The following CDH4 variants were observed in gnomAD, a reference collection of about 807,000 sequenced individuals.
The protein encoded by CDH4 is cadherin 4, also known as cadherin-4.
In CDH4, 33 loss-of-function variants were observed where a neutral mutation model predicts 86.0. The observed-to-expected ratio is 0.38, with a 90% CI of 0.29 to 0.51. The LOEUF is 0.51. CDH4 is among the 20% of genes least tolerant of loss of function. CDH4 has a pLI of 0.86. For missense variants in CDH4, 1,114 were observed against 1,307.4 expected (o/e 0.85, Z 2.28); for synonymous variants, 555 against 549.4 (o/e 1.01, Z -0.14).
chr20:61,931,543 C>T lies in CDH4; in HGVS notation c.2240-1442C>T, dbSNP rs185625550. ...CTCTCGCCTCCGGGCTCACCCTCTG[C>T]GGTACATAAGAGTGCACCTGTGATT... On this transcript the variant is annotated intron_variant, in intron 13 of 15. Transcript: ENST00000614565. Among the ~76,000 whole-genome samples the T allele has an allele frequency of 7.2e-4, 109 of 152,344 alleles. 1 individual carries two copies. Among genetic ancestry groups the T allele is most frequent in the Non-Finnish European group, 1.3e-3 (91 of 68,040 alleles).
chr20:61,848,339 C>T (rs1982553359), intron 5 of CDH4, among the ~76,000 whole-genome samples: 1 of 152,232 alleles, frequency 6.6e-6, no homozygotes, highest in Admixed American at 6.5e-5. Context: ...AGTGCGCAGA[C>T]ACTTTTGCAC....
At chr20:61,490,519 T>G (rs1479178643) in intron 2 of CDH4, among the ~76,000 whole-genome samples, 1 of 152,076 alleles carries the variant, frequency 6.6e-6, no homozygotes, top group African/African-American at 2.4e-5. Flanking sequence ...GCCAACGTGG[T>G]GAAACCCTGT....
At chr20:61,365,619 C>T (rs917929774) in intron 2 of CDH4, among the ~76,000 whole-genome samples, 6 of 151,968 alleles carry the variant, frequency 3.9e-5, no homozygotes, top group South Asian at 2.1e-4. Context: ...ATGCAGCTGG[C>T]GAGGGAAGCT....
At chr20:61,890,600 T>C (rs886596574) in intron 7 of CDH4, among the ~76,000 whole-genome samples, 6 of 151,358 alleles carry the variant, frequency 4.0e-5, no homozygotes, top group Non-Finnish European at 8.8e-5. Flanking sequence ...GGGTAAATGA[T>C]GGATGGATGG....
chr20:61,585,635 T>C (rs567189582), intron 2 of CDH4, among the ~76,000 whole-genome samples: 5 of 151,996 alleles, frequency 3.3e-5, no homozygotes, highest in Admixed American at 2.0e-4. Context: ...ATGACGGTGA[T>C]GGTGATGATG....
intron 2 of CDH4, among the ~76,000 whole-genome samples, chr20:61,558,868 C>T (rs1233639100): frequency 1.3e-5 from 2 of 152,242 alleles, no homozygotes; most frequent in African/African-American, 2.4e-5. Flanking sequence ...GTCCCCGTGG[C>T]GAGCACCGTG....
chr20:61,701,624 T>TCA (rs1023424156), intron 2 of CDH4, among the ~76,000 whole-genome samples: 1 of 152,070 alleles, frequency 6.6e-6, no homozygotes, highest in African/African-American at 2.4e-5. Flanking sequence ...GGTCTACGGA[T>TCA]CAGTTGGGGG....
At chr20:61,734,711 A>C (rs1481745388) in intron 2 of CDH4, among the ~76,000 whole-genome samples, 1 of 150,096 alleles carries the variant, frequency 6.7e-6, no homozygotes, top group Non-Finnish European at 1.5e-5. Context: ...CCAGCCTGGC[A>C]TGCTGCAGGC....
At chr20:61,673,135 G>A (rs1294156005) in intron 2 of CDH4, among the ~76,000 whole-genome samples, 1 of 152,174 alleles carries the variant, frequency 6.6e-6, no homozygotes, top group Admixed American at 6.5e-5. Context: ...TTTCTGGCCT[G>A]GAGCCCCCAG....
At chr20:61,911,227 C>G (rs776178273) in intron 9 of CDH4, among the ~76,000 whole-genome samples, 1 of 152,102 alleles carries the variant, frequency 6.6e-6, no homozygotes, top group Non-Finnish European at 1.5e-5. Flanking sequence ...GGAGAGAGAT[C>G]GGTTTGTAAC....
chr20:61,800,714 C>T (rs1173084662), intron 4 of CDH4, among the ~76,000 whole-genome samples: 3 of 152,236 alleles, frequency 2.0e-5, no homozygotes, highest in Admixed American at 6.5e-5. Context: ...AAGGCAGAGC[C>T]TCAGGCAGGC....
chr20:61,507,852 A>G (rs1397206777), intron 2 of CDH4, among the ~76,000 whole-genome samples: 1 of 152,256 alleles, frequency 6.6e-6, no homozygotes, highest in Non-Finnish European at 1.5e-5. Flanking sequence ...TAAACAGCAG[A>G]GGAAACAGGG....
At chr20:61,783,387 C>A (rs1172218539) in intron 4 of CDH4, among the ~76,000 whole-genome samples, 1 of 152,214 alleles carries the variant, frequency 6.6e-6, no homozygotes, top group African/African-American at 2.4e-5. Context: ...TTAAATACAG[C>A]TAAAGTGACA....
At chr20:61,759,082 G>A (rs954435240) in intron 3 of CDH4, among the ~76,000 whole-genome samples, 3 of 152,168 alleles carry the variant, frequency 2.0e-5, no homozygotes, top group African/African-American at 7.2e-5. Flanking sequence ...ATTTGTGCAT[G>A]CATGTGTGCG....
intron 3 of CDH4, among the ~76,000 whole-genome samples, chr20:61,769,995 C>G (rs2088755041): frequency 6.6e-6 from 1 of 152,286 alleles, no homozygotes. Context: ...GTCCTGCTGT[C>G]CTGCTCATCG....
At chr20:61,797,183 C>T (rs1979577615) in intron 4 of CDH4, among the ~76,000 whole-genome samples, 1 of 152,206 alleles carries the variant, frequency 6.6e-6, no homozygotes, top group South Asian at 2.1e-4. Context: ...TCAAAGGGCT[C>T]ACACCATCCA....
intron 2 of CDH4, among the ~76,000 whole-genome samples, chr20:61,337,920 A>G (rs6028124): frequency 0.047 from 7,209 of 151,960 alleles, 218 homozygotes; most frequent in Middle Eastern, 0.082. Flanking sequence ...AGTTTTCTCA[A>G]ACTGCAGGGG....
At chr20:61,611,761 G>A (rs993095291) in intron 2 of CDH4, among the ~76,000 whole-genome samples, 8 of 152,162 alleles carry the variant, frequency 5.3e-5, no homozygotes, top group Admixed American at 1.3e-4. Context: ...GGCTTGAACC[G>A]GGAAGCAAGC....
chr20:61,483,817 C>T (rs1405001985), intron 2 of CDH4, among the ~76,000 whole-genome samples: 3 of 152,128 alleles, frequency 2.0e-5, no homozygotes, highest in South Asian at 2.1e-4. Context: ...AGCTGAGCTC[C>T]GTCGAAATTG....
Sources: gnomAD v4.1 joint callset for allele counts (sites outside exome capture counted in the v4.1 genomes callset) on GRCh38, gnomAD v4.1.1 for gene constraint, MANE v1.5 for transcripts, NCBI Gene and HGNC (gene_info 2026-07-23, HGNC 2026-07-21) for gene names.